STAG1: variants seen among roughly 807,000 people sequenced by gnomAD.
STAG1 encodes cohesin subunit SA-1.
Under a neutral mutation model 170.9 loss-of-function variants are expected in STAG1, and 26 were observed. The ratio of observed to expected loss-of-function variants is 0.15; its 90% confidence interval spans 0.11 to 0.21. STAG1 has a LOEUF of 0.21. Ranked by LOEUF, STAG1 falls within the 10% of genes least tolerant of loss-of-function variation. The pLI, the probability that STAG1 is intolerant of heterozygous loss-of-function variation, is 1.00. For synonymous variants in STAG1, 514 were observed against 497.7 expected (o/e 1.03, Z -0.44); for missense variants, 964 against 1,509.5 (o/e 0.64, Z 5.99).
chr3:136,725,973 T>A (rs1933641021), intron 1 of STAG1, among the ~76,000 whole-genome samples: 1 of 152,158 alleles, frequency 6.6e-6, no homozygotes. Flanking sequence ...CTAACTCCAA[T>A]ACACATACAG....
chr3:136,693,480 G>A (rs1942788448), intron 1 of STAG1, among the ~76,000 whole-genome samples: 1 of 152,212 alleles, frequency 6.6e-6, no homozygotes, highest in Non-Finnish European at 1.5e-5. Flanking sequence ...AGTCCATTTA[G>A]ATAGCTTAAG....
chr3:136,498,961 G>A (rs554893621), intron 9 of STAG1, among the ~76,000 whole-genome samples: 1 of 152,122 alleles, frequency 6.6e-6, no homozygotes, highest in Non-Finnish European at 1.5e-5. Context: ...TATACACAGG[G>A]GATTGCTTCT....
chr3:136,590,750 G>A (rs983334677), intron 4 of STAG1, among the ~76,000 whole-genome samples: 1 of 152,154 alleles, frequency 6.6e-6, no homozygotes, highest in African/African-American at 2.4e-5. Flanking sequence ...GTTCAATGAT[G>A]ATAGCTTTAT....
rs1175073277 is a variant in STAG1, at chr3:136,336,634, C to T, written c.*1620G>A. On this transcript the variant is annotated 3_prime_UTR_variant, in exon 34 of 34. Transcript: ENST00000383202. ...CCCACAATTCTGGGAGAAAGTGAGG[C>T]CCCAGCTCCCCTAACTGGAGCCCAA... The T allele has an allele frequency of 1.3e-5, 2 of 151,662 alleles. No homozygotes were observed. Among genetic ancestry groups the T allele is most frequent in the South Asian group, 2.1e-4 (1 of 4,816 alleles). 9.4% of individuals were successfully genotyped at this position (151,662 alleles called of 1,614,324 possible).
chr3:136,447,765 C>T (rs1385397874), intron 14 of STAG1, among the ~76,000 whole-genome samples: 1 of 151,758 alleles, frequency 6.6e-6, no homozygotes, highest in African/African-American at 2.4e-5. Context: ...CTACAGGTGC[C>T]CGCCACCAGG....
Position 136,340,545 on chromosome 3 carries a change from T to G in STAG1, c.3618A>C (p.Arg1206=). The G allele has an allele frequency of 1.9e-6, 3 of 1,614,104 alleles. No individual in the cohort carries two copies. The highest frequency in any genetic ancestry group is 2.5e-6 in the Non-Finnish European group (3 of 1,179,934). ...PIFEDVMMSS[R]SQLEDMNEEF... is the part of the protein sequence containing the mutation. ...CTTCATTCATATCTTCTAACTGGCT[T>G]CGGGATGACATCATCACATCTTCAA... The change falls in exon 32 of 34, where the codon CGA becomes CGC. Residue 1206 remains arginine (R), a synonymous_variant. Coordinates refer to ENST00000383202, the MANE Select transcript of STAG1 (RefSeq NM_005862.3).
chr3:136,589,563 G>C (rs1304591262), intron 4 of STAG1, among the ~76,000 whole-genome samples: 1 of 151,104 alleles, frequency 6.6e-6, no homozygotes, highest in Non-Finnish European at 1.5e-5. Flanking sequence ...CTTAAACCCA[G>C]GAGGCGGAGG....
intron 9 of STAG1, among the ~76,000 whole-genome samples, chr3:136,493,953 A>G (rs1287198097): frequency 6.6e-6 from 1 of 152,174 alleles, no homozygotes; most frequent in Admixed American, 6.5e-5. Flanking sequence ...ACAAATTACC[A>G]AATCTGACTC....
intron 1 of STAG1, among the ~76,000 whole-genome samples, chr3:136,702,852 G>A (rs771731482): frequency 4.7e-4 from 72 of 151,860 alleles, no homozygotes; most frequent in Non-Finnish European, 7.6e-4. Flanking sequence ...GGCAGATCAC[G>A]AGGTCAGGAG....
chr3:136,737,097 C>A (rs1934384413), intron 1 of STAG1: 2 of 922,282 alleles, frequency 2.2e-6, no homozygotes, highest in Non-Finnish European at 3.6e-6. Flanking sequence ...GGAACCAGGA[C>A]AGGTCAGTCT....
At chr3:136,733,795 T>C (rs1934174423) in intron 1 of STAG1, among the ~76,000 whole-genome samples, 3 of 152,208 alleles carry the variant, frequency 2.0e-5, no homozygotes, top group Admixed American at 1.3e-4. Flanking sequence ...CTTTTATACC[T>C]TGGCACTATA....
intron 7 of STAG1, among the ~76,000 whole-genome samples, chr3:136,514,332 C>T (rs1420142456): frequency 6.6e-6 from 1 of 152,094 alleles, no homozygotes; most frequent in African/African-American, 2.4e-5. Flanking sequence ...CACTGGTCAT[C>T]GGAGAAATGC....
chr3:136,363,827 T>C (rs1237941214), intron 25 of STAG1, among the ~76,000 whole-genome samples: 1 of 152,214 alleles, frequency 6.6e-6, no homozygotes, highest in Non-Finnish European at 1.5e-5. Flanking sequence ...TGATCGTAGC[T>C]CACTGCAGCC....
At chr3:136,486,352 C>G (rs1054189630) in intron 9 of STAG1, among the ~76,000 whole-genome samples, 4 of 152,206 alleles carry the variant, frequency 2.6e-5, no homozygotes, top group African/African-American at 7.2e-5. Flanking sequence ...AAATTTCCAT[C>G]TCTGAGCTAC....
intron 13 of STAG1, among the ~76,000 whole-genome samples, chr3:136,461,076 A>G (rs2089259565): frequency 6.6e-6 from 1 of 152,240 alleles, no homozygotes; most frequent in Non-Finnish European, 1.5e-5. Flanking sequence ...ACAGACTGAA[A>G]GACAAAACTC....
At chr3:136,726,142 C>A (rs1204134052) in intron 1 of STAG1, among the ~76,000 whole-genome samples, 2 of 152,176 alleles carry the variant, frequency 1.3e-5, no homozygotes, top group African/African-American at 4.8e-5. Flanking sequence ...GGTTCTCAAC[C>A]TTGCCACTAG....
rs191622993 is a variant in STAG1 at position 136,344,555 on chromosome 3, C to G, written c.3272-549G>C. ...TGAAAGGTTCACCATTTTCATGCCT[C>G]TGTACTTCAGGGAAGCCTTCCCTGA... On this transcript the variant is annotated intron_variant, in intron 29 of 33. Coordinates refer to ENST00000383202, the MANE Select transcript of STAG1 (RefSeq NM_005862.3). Among the ~76,000 whole-genome samples the G allele has an allele frequency of 2.2e-3, 331 of 152,278 alleles. 2 individuals carry two copies. Among genetic ancestry groups the G allele is most frequent in the African/African-American group, 7.5e-3 (312 of 41,558 alleles).
chr3:136,403,259 G>GA (rs2087388475), intron 21 of STAG1, among the ~76,000 whole-genome samples: 1 of 83,476 alleles, frequency 1.2e-5, no homozygotes. Flanking sequence ...AAAAAGAAAA[G>GA]AAAAGAAAAA....
intron 15 of STAG1, among the ~76,000 whole-genome samples, chr3:136,435,098 ATAACT>A (rs2088417166): frequency 6.6e-6 from 1 of 152,212 alleles, no homozygotes; most frequent in African/African-American, 2.4e-5. Context: ...ATAATTTGTT[ATAACT>A]TAATATGTAA....
Sources: allele counts gnomAD v4.1 joint callset (sites outside exome capture counted in the v4.1 genomes callset), GRCh38; gene constraint gnomAD v4.1.1; transcripts MANE v1.5; gene names NCBI Gene and HGNC (gene_info 2026-07-23, HGNC 2026-07-21).